WDR70: variants seen among roughly 807,000 people sequenced by gnomAD.
The protein encoded by WDR70 is WD repeat-containing protein 70.
In WDR70, 53 loss-of-function variants were observed where a neutral mutation model predicts 88.6. The ratio of observed to expected loss-of-function variants is 0.60; its 90% confidence interval spans 0.48 to 0.75. The LOEUF (loss-of-function observed/expected upper bound fraction) is 0.75, where lower values mean the gene tolerates loss of function less well. Ranked by LOEUF, WDR70 falls within the 30% of genes least tolerant of loss-of-function variation. The pLI is 0.00. For synonymous variants in WDR70, 280 were observed against 270.0 expected (o/e 1.04, Z -0.36); for missense variants, 610 against 823.2 (o/e 0.74, Z 3.17).
chr5:37,437,791 G>T (rs1435814604), intron 5 of WDR70, 131 bp from the exon 6 acceptor site: 14 of 833,078 alleles, frequency 1.7e-5, no homozygotes, highest in Middle Eastern at 2.6e-4. Flanking sequence ...CTTTTTTGCT[G>T]TTTTTTTAAG....
intron 7 of WDR70, among the ~76,000 whole-genome samples, chr5:37,476,269 G>T (rs974329688): frequency 6.6e-6 from 1 of 152,046 alleles, no homozygotes; most frequent in South Asian, 2.1e-4. Context: ...TTATAAATTA[G>T]TACTTTTACT....
intron 2 of WDR70, among the ~76,000 whole-genome samples, chr5:37,380,809 G>A (rs1217749768): frequency 6.6e-6 from 1 of 152,004 alleles, no homozygotes; most frequent in Non-Finnish European, 1.5e-5. Flanking sequence ...CACCACACCT[G>A]GCTAATTTTT....
chr5:37,402,944 G>GGTT (rs1749243841), intron 5 of WDR70, among the ~76,000 whole-genome samples: 1 of 84,372 alleles, frequency 1.2e-5, no homozygotes, highest in Non-Finnish European at 2.0e-5. Flanking sequence ...CCCTCCCTCC[G>GGTT]TTTTTTTTTT....
chr5:37,384,108 C>G (rs1198952858), intron 3 of WDR70, among the ~76,000 whole-genome samples: 2 of 151,354 alleles, frequency 1.3e-5, no homozygotes, highest in Admixed American at 6.6e-5. Flanking sequence ...ACCAAGATAC[C>G]TGTAAGAGAT....
At chr5:37,497,000 A>G (rs1281745867) in intron 8 of WDR70, among the ~76,000 whole-genome samples, 1 of 152,216 alleles carries the variant, frequency 6.6e-6, no homozygotes, top group Admixed American at 6.5e-5. Context: ...AAGGCTGGGC[A>G]TGTCTTGGAT....
chr5:37,460,763 G>A (rs1738972688), intron 7 of WDR70, among the ~76,000 whole-genome samples: 1 of 151,284 alleles, frequency 6.6e-6, no homozygotes. Context: ...TGCATAGGAA[G>A]TTTTTGTTTG....
At chr5:37,692,860 G>A (rs1039606603) in intron 10 of WDR70, among the ~76,000 whole-genome samples, 1 of 150,902 alleles carries the variant, frequency 6.6e-6, no homozygotes, top group Non-Finnish European at 1.5e-5. Context: ...TGGAAGTTCT[G>A]GGCCAGGGCA....
In WDR70 at chr5:37,675,055, C is replaced by A. The variant is rs958958795; in HGVS notation, c.1093-22600C>A. Among the ~76,000 whole-genome samples, 470 of 151,838 alleles carry A rather than the reference C, an allele frequency of 3.1e-3. 8 individuals are homozygous for A. The highest frequency in any genetic ancestry group is 0.011 in the African/African-American group (454 of 41,178). On this transcript the variant is annotated intron_variant, in intron 10 of 17. Transcript: ENST00000265107. ...TCTTTTGAGAAGTGTCTGTTCATGTCCTTCGCCCACTTTTTGATGCGGTTG... is the reference window on the plus strand; with the variant it reads ...TCTTTTGAGAAGTGTCTGTTCATGTACTTCGCCCACTTTTTGATGCGGTTG...
At chr5:37,400,140 C>A (rs1238092483) in intron 5 of WDR70, among the ~76,000 whole-genome samples, 1 of 152,016 alleles carries the variant, frequency 6.6e-6, no homozygotes, top group African/African-American at 2.4e-5. Context: ...CACCATGTTG[C>A]CCCAGCTGGT....
Sources: allele counts gnomAD v4.1 joint callset (sites outside exome capture counted in the v4.1 genomes callset), GRCh38; gene constraint gnomAD v4.1.1; transcripts MANE v1.5; gene names NCBI Gene and HGNC (gene_info 2026-07-23, HGNC 2026-07-21).